Variants in ASCC3 observed in about 807,000 individuals in gnomAD.
ASCC3 encodes the protein activating signal cointegrator 1 complex subunit 3.
Under a neutral mutation model 256.3 loss-of-function variants are expected in ASCC3, and 158 were observed. The observed-to-expected ratio is 0.62, with a 90% CI of 0.54 to 0.70. ASCC3 has a LOEUF of 0.70. Among genes scored for constraint, ASCC3 ranks in the 30% least tolerant of loss-of-function variants. The pLI, the probability that ASCC3 is intolerant of heterozygous loss-of-function variation, is 0.00. For synonymous variants in ASCC3, 948 were observed against 883.4 expected (o/e 1.07, Z -1.30); for missense variants, 2,259 against 2,626.0 (o/e 0.86, Z 3.05).
intron 4 of ASCC3, among the ~76,000 whole-genome samples, chr6:100,839,630 A>C (rs6570972): frequency 0.71 from 107,312 of 151,984 alleles, 38,123 homozygotes; most frequent in East Asian, 0.75. Flanking sequence ...TGTTCTTCTA[A>C]ATCTTCAATA....
chr6:100,763,280 A>C lies in ASCC3; in HGVS notation c.1737+3285T>G, dbSNP rs540769596. On this transcript the variant is annotated intron_variant, in intron 10 of 41. Transcript: ENST00000369162. ...CAGTTCTACAAAAATTATCACCTGCAGAATTAGAGCAAGCACAAAAGGTTC... is the reference window on the plus strand; with the variant it reads ...CAGTTCTACAAAAATTATCACCTGCCGAATTAGAGCAAGCACAAAAGGTTC... 2.6e-5 allele frequency among the ~76,000 whole-genome samples: 4 copies of C among 152,318 alleles called. No individual in the cohort carries two copies. In the East Asian group the frequency reaches 7.7e-4, roughly 29 times the overall value.
intron 3 of ASCC3, among the ~76,000 whole-genome samples, chr6:100,851,906 C>T (rs185110481): frequency 6.6e-4 from 101 of 152,308 alleles, no homozygotes; most frequent in African/African-American, 2.1e-3. Flanking sequence ...CACCATCTTC[C>T]TGCAACCACC....
chr6:100,520,706 T>C (rs141186718), intron 37 of ASCC3, among the ~76,000 whole-genome samples: 260 of 152,316 alleles, frequency 1.7e-3, no homozygotes, highest in African/African-American at 5.7e-3. Flanking sequence ...AATATCATTG[T>C]GTTACAATTT....
chr6:100,855,400 A>G (rs1772896871), intron 3 of ASCC3, among the ~76,000 whole-genome samples: 1 of 152,242 alleles, frequency 6.6e-6, no homozygotes, highest in African/African-American at 2.4e-5. Flanking sequence ...TACAGGCGTA[A>G]GCCACTGTAC....
chr6:100,612,034 G>GT (rs1251329472), intron 30 of ASCC3, among the ~76,000 whole-genome samples: 1 of 151,856 alleles, frequency 6.6e-6, no homozygotes, highest in African/African-American at 2.4e-5. Context: ...AATATTATAC[G>GT]TAACAGAAAA....
intron 14 of ASCC3, among the ~76,000 whole-genome samples, chr6:100,672,527 G>A (rs1776803404): frequency 6.6e-6 from 1 of 152,090 alleles, no homozygotes; most frequent in Admixed American, 6.6e-5. Flanking sequence ...TAGCAAGCAA[G>A]ATTTTGGAGA....
chr6:100,645,252 G>A (rs972109488), intron 22 of ASCC3, among the ~76,000 whole-genome samples: 2 of 151,828 alleles, frequency 1.3e-5, no homozygotes, highest in African/African-American at 4.8e-5. Context: ...ATGAGTTTAT[G>A]GGTAACTGTA....
chr6:100,677,936 C>T (rs2114961602), intron 14 of ASCC3, among the ~76,000 whole-genome samples: 1 of 152,166 alleles, frequency 6.6e-6, no homozygotes, highest in African/African-American at 2.4e-5. Flanking sequence ...TGCTTGGTGA[C>T]ATTGCCTTAA....
chr6:100,653,702 G>A (rs111843690), intron 17 of ASCC3, among the ~76,000 whole-genome samples: 6 of 151,908 alleles, frequency 3.9e-5, no homozygotes, highest in African/African-American at 1.2e-4. Flanking sequence ...GCAGATGGGA[G>A]AACCCATTCT....
chr6:100,736,805 G>A (rs577464600), intron 10 of ASCC3, among the ~76,000 whole-genome samples: 13 of 152,212 alleles, frequency 8.5e-5, no homozygotes, highest in Middle Eastern at 6.8e-3. Flanking sequence ...AAGTGGCCTG[G>A]ATCCTCATTT....
intron 22 of ASCC3, 51 bp from the exon 23 acceptor site, chr6:100,644,180 G>A (rs1775269268): frequency 1.7e-6 from 2 of 1,208,294 alleles, no homozygotes; most frequent in South Asian, 1.2e-5. Flanking sequence ...CTCAAATAAG[G>A]GATAGCATCC....
chr6:100,849,098 T>A (rs558897423), intron 3 of ASCC3, among the ~76,000 whole-genome samples: 2 of 152,076 alleles, frequency 1.3e-5, no homozygotes, highest in Non-Finnish European at 2.9e-5. Flanking sequence ...GTGTGAGACC[T>A]TGTAAAAAAA....
chr6:100,782,724 G>T (rs1017922333), intron 8 of ASCC3, among the ~76,000 whole-genome samples: 7 of 149,386 alleles, frequency 4.7e-5, no homozygotes, highest in African/African-American at 1.7e-4. Context: ...TCCATAAACA[G>T]AATAAGAAAG....
chr6:100,849,126 A>G (rs947350925), intron 3 of ASCC3, among the ~76,000 whole-genome samples: 2 of 152,126 alleles, frequency 1.3e-5, no homozygotes, highest in Non-Finnish European at 2.9e-5. Context: ...AAACATAACA[A>G]TAAAGACAGA....
At chr6:100,761,071 T>C (rs1483792472) in intron 10 of ASCC3, among the ~76,000 whole-genome samples, 1 of 152,120 alleles carries the variant, frequency 6.6e-6, no homozygotes. Context: ...AGAAAGAATC[T>C]TGAATCTTTA....
intron 25 of ASCC3, among the ~76,000 whole-genome samples, chr6:100,632,656 C>A (rs1241560104): frequency 6.6e-6 from 1 of 151,970 alleles, no homozygotes; most frequent in Non-Finnish European, 1.5e-5. Flanking sequence ...AGAAAAGAGC[C>A]CAGAAATCAA....
In ASCC3 at chr6:100,662,557, A is replaced by G. The variant is rs1776279462; in HGVS notation, c.2287-21T>C. 3 of 1,609,974 alleles carry G rather than the reference A, an allele frequency of 1.9e-6. No homozygotes were observed. The African/African-American group carries it at 4.0e-5, about 22-fold the overall frequency. ...TGTACCTAGATACCAAGAAAGCGTAAGAGTATTATTTAGCATTTAAAAGCA... is the reference window on the plus strand; with the variant it reads ...TGTACCTAGATACCAAGAAAGCGTAGGAGTATTATTTAGCATTTAAAAGCA... On this transcript the variant is annotated intron_variant, in intron 14 of 41. Transcript: ENST00000369162.
intron 13 of ASCC3, among the ~76,000 whole-genome samples, chr6:100,696,124 G>T (rs12661291): frequency 0.028 from 4,283 of 152,172 alleles, 175 homozygotes; most frequent in East Asian, 0.19. Flanking sequence ...AAAGAAAAAA[G>T]GAGATGAGAT....
At chr6:100,866,159 G>A (rs1400742834) in intron 2 of ASCC3, among the ~76,000 whole-genome samples, 1 of 151,918 alleles carries the variant, frequency 6.6e-6, no homozygotes, top group African/African-American at 2.4e-5. Context: ...TAGTAGAGAT[G>A]GGGTTTCACC....
Sources: gnomAD v4.1 joint callset for allele counts (sites outside exome capture counted in the v4.1 genomes callset) on GRCh38, gnomAD v4.1.1 for gene constraint, MANE v1.5 for transcripts, NCBI Gene and HGNC (gene_info 2026-07-23, HGNC 2026-07-21) for gene names.